AGMO: variants seen among roughly 807,000 people sequenced by gnomAD.
The protein encoded by AGMO is alkylglycerol monooxygenase.
AGMO carries 75 observed loss-of-function variants against 60.2 expected under a neutral mutation model. The observed-to-expected ratio is 1.25, with a 90% CI of 1.03 to 1.51. The LOEUF (loss-of-function observed/expected upper bound fraction) is 1.51. Ranked by LOEUF, AGMO falls within the 40% of genes most tolerant of loss-of-function variation. AGMO has a pLI of 0.00. For synonymous variants in AGMO, 261 were observed against 177.1 expected, an observed-to-expected ratio of 1.47 and a Z score of -3.76; for missense variants, 763 against 525.5, an observed-to-expected ratio of 1.45 and a Z score of -4.42.
intron 12 of AGMO, among the ~76,000 whole-genome samples, chr7:15,271,646 G>A (rs548505713): frequency 9.9e-5 from 15 of 152,156 alleles, no homozygotes; most frequent in African/African-American, 3.4e-4. Flanking sequence ...TTTCAATTTG[G>A]ATGCCTTTTA....
chr7:15,258,411 G>A (rs975613233), intron 12 of AGMO, among the ~76,000 whole-genome samples: 2 of 151,794 alleles, frequency 1.3e-5, no homozygotes, highest in Non-Finnish European at 2.9e-5. Flanking sequence ...GATTCGTGGT[G>A]GCAGGCGCCT....
intron 1 of AGMO, among the ~76,000 whole-genome samples, chr7:15,561,099 A>G (rs1460110562): frequency 2.0e-5 from 3 of 152,142 alleles, no homozygotes; most frequent in Non-Finnish European, 4.4e-5. Context: ...GCCATGAACT[A>G]GTGAGTGTTG....
At chr7:15,533,285 G>C (rs1277862904) in intron 3 of AGMO, among the ~76,000 whole-genome samples, 1 of 151,700 alleles carries the variant, frequency 6.6e-6, no homozygotes, top group African/African-American at 2.4e-5. Context: ...CTATTTTCTT[G>C]GGATTAATAA....
At chr7:15,542,451 AT>A (rs543669703) in intron 3 of AGMO, among the ~76,000 whole-genome samples, 2 of 152,300 alleles carry the variant, frequency 1.3e-5, no homozygotes, top group South Asian at 2.1e-4. Flanking sequence ...TAATCAACAT[AT>A]TTTTAATAGT....
chr7:15,338,538 T>C lies in AGMO; in HGVS notation c.1263+26976A>G, dbSNP rs141395087. 5.2e-3 allele frequency among the ~76,000 whole-genome samples: 797 copies of C among 152,314 alleles called. 5 individuals carry two copies. The highest frequency in any genetic ancestry group is 0.018 in the African/African-American group (750 of 41,574). ...GTCTTCCATAGGTACAAATTTCCTC[T>C]TTCCCCAGTGCAGTCTCTGTTCAGG... On this transcript the variant is annotated intron_variant, in intron 12 of 12. Transcript: ENST00000342526.
At chr7:15,475,489 A>C (rs2128514758) in intron 3 of AGMO, among the ~76,000 whole-genome samples, 1 of 152,218 alleles carries the variant, frequency 6.6e-6, no homozygotes, top group Admixed American at 6.5e-5. Context: ...GGAGATGAAT[A>C]ATGAGAATAC....
intron 12 of AGMO, among the ~76,000 whole-genome samples, chr7:15,210,903 C>A (rs1781570942): frequency 1.3e-5 from 2 of 151,788 alleles, no homozygotes; most frequent in Admixed American, 1.3e-4. Flanking sequence ...TTATGAAAAC[C>A]AGCTTTGGAT....
chr7:15,526,553 C>G (rs1435683852), intron 3 of AGMO, among the ~76,000 whole-genome samples: 1 of 152,096 alleles, frequency 6.6e-6, no homozygotes, highest in Non-Finnish European at 1.5e-5. Context: ...TTTATAAAAC[C>G]AAAACCGTAA....
At chr7:15,382,153 C>T (rs915828190) in intron 10 of AGMO, among the ~76,000 whole-genome samples, 4 of 152,044 alleles carry the variant, frequency 2.6e-5, no homozygotes, top group African/African-American at 7.2e-5. Flanking sequence ...TGCACATGTA[C>T]CCCCGAACTT....
At chr7:15,510,645 A>T (rs1173642596) in intron 3 of AGMO, among the ~76,000 whole-genome samples, 4 of 150,176 alleles carry the variant, frequency 2.7e-5, no homozygotes, top group African/African-American at 9.7e-5. Context: ...AACAACGTAG[A>T]TGAACCTGGA....
the AGMO span, among the ~76,000 whole-genome samples, chr7:15,167,348 A>C: frequency 6.6e-6 from 1 of 152,206 alleles, no homozygotes; most frequent in African/African-American, 2.4e-5. Context: ...TCTAAAATTA[A>C]GAAATAGCTT....
At chr7:15,190,151 A>T in the AGMO span, among the ~76,000 whole-genome samples, 2 of 1,508 alleles carry the variant, frequency 1.3e-3, no homozygotes, top group Non-Finnish European at 2.7e-3. Context: ...ATATATATAT[A>T]TATATATTTA....
chr7:15,257,315 C>T (rs891677329), intron 12 of AGMO, among the ~76,000 whole-genome samples: 3 of 152,030 alleles, frequency 2.0e-5, no homozygotes, highest in Non-Finnish European at 1.5e-5. Context: ...AAGGTATGAA[C>T]TTGATACCTA....
chr7:15,138,985 C>T, the AGMO span, among the ~76,000 whole-genome samples: 1 of 152,124 alleles, frequency 6.6e-6, no homozygotes, highest in South Asian at 2.1e-4. Flanking sequence ...AATATCCTCC[C>T]TGAACTAACC....
At chr7:15,339,731 A>C (rs1001660517) in intron 12 of AGMO, among the ~76,000 whole-genome samples, 7 of 152,188 alleles carry the variant, frequency 4.6e-5, no homozygotes, top group African/African-American at 1.7e-4. Context: ...TTATCCTTAA[A>C]GAAAATACCT....
At chr7:15,120,718 A>G in the AGMO span, among the ~76,000 whole-genome samples, 1 of 152,004 alleles carries the variant, frequency 6.6e-6, no homozygotes, top group East Asian at 1.9e-4. Context: ...AGTCTACAGT[A>G]TTTTAGTAAA....
intron 6 of AGMO, among the ~76,000 whole-genome samples, chr7:15,392,391 G>A (rs981634513): frequency 6.6e-6 from 1 of 151,972 alleles, no homozygotes; most frequent in Admixed American, 6.6e-5. Flanking sequence ...GTATATAGAA[G>A]GAACTGCAAG....
At chr7:15,389,882 T>C (rs990799269) in intron 8 of AGMO, among the ~76,000 whole-genome samples, 6 of 152,216 alleles carry the variant, frequency 3.9e-5, no homozygotes, top group African/African-American at 1.4e-4. Flanking sequence ...TTAACAATTT[T>C]GTTATTTCAA....
At chr7:15,352,585 T>C (rs1421711751) in intron 12 of AGMO, among the ~76,000 whole-genome samples, 1 of 151,698 alleles carries the variant, frequency 6.6e-6, no homozygotes, top group Admixed American at 6.6e-5. Flanking sequence ...TGCGTGGCAA[T>C]TTTACGGTCA....
Sources: allele counts gnomAD v4.1 joint callset (sites outside exome capture counted in the v4.1 genomes callset), GRCh38; gene constraint gnomAD v4.1.1; transcripts MANE v1.5; gene names NCBI Gene and HGNC (gene_info 2026-07-23, HGNC 2026-07-21).